Variants in LRP6 observed in about 807,000 individuals in gnomAD.
LRP6 encodes the protein low-density lipoprotein receptor-related protein 6.
LRP6 carries 43 observed loss-of-function variants against 184.1 expected under a neutral mutation model. The observed-to-expected ratio is 0.23, with a 90% CI of 0.18 to 0.30. The LOEUF is 0.30. Ranked by LOEUF, LRP6 falls within the 10% of genes least tolerant of loss-of-function variation. LRP6 has a pLI of 1.00. For missense variants in LRP6, 1,571 were observed against 2,005.3 expected, an observed-to-expected ratio of 0.78 and a Z score of 4.14; for synonymous variants, 719 against 684.9, an observed-to-expected ratio of 1.05 and a Z score of -0.78.
At chr12:12,192,938 C>G (rs1422298473) in intron 3 of LRP6, among the ~76,000 whole-genome samples, 1 of 152,006 alleles carries the variant, frequency 6.6e-6, no homozygotes, top group African/African-American at 2.4e-5. Context: ...AATCTTTTCA[C>G]GTACACGTGG....
intron 1 of LRP6, among the ~76,000 whole-genome samples, chr12:12,260,655 CTG>C (rs957678375): frequency 2.4e-4 from 36 of 152,298 alleles, no homozygotes; most frequent in Middle Eastern, 3.4e-3. Context: ...CTACTATTGA[CTG>C]TGCGTTCTAC....
intron 11 of LRP6, 151 bp from the exon 12 acceptor site, chr12:12,159,306 CA>C (rs1862682660): frequency 1.5e-6 from 1 of 669,938 alleles, no homozygotes. Context: ...CATTTAAAAG[CA>C]ATTCTAAAAC....
At chr12:12,235,495 C>T (rs1292398847) in intron 2 of LRP6, among the ~76,000 whole-genome samples, 1 of 151,994 alleles carries the variant, frequency 6.6e-6, no homozygotes, top group African/African-American at 2.4e-5. Context: ...CTTTGGGAGG[C>T]CAAAGCAGGC....
intron 2 of LRP6, among the ~76,000 whole-genome samples, chr12:12,214,811 G>GA (rs1864296980): frequency 6.6e-6 from 1 of 152,174 alleles, no homozygotes; most frequent in Non-Finnish European, 1.5e-5. Context: ...CTTAAAGCTT[G>GA]AATCTTACAT....
chr12:12,141,926 G>C (rs1360795152), intron 15 of LRP6, among the ~76,000 whole-genome samples: 1 of 152,154 alleles, frequency 6.6e-6, no homozygotes, highest in Non-Finnish European at 1.5e-5. Context: ...TCGAATTCTG[G>C]AAAGTTCATA....
In LRP6 at chr12:12,203,367, T is replaced by G. The variant is rs1224547331; in HGVS notation, c.483A>C (p.Pro161=). ...FMYWTDWGEV[P]KIERAGMDGS... Reference sequence around the variant, plus strand: ...CATCCATTCCAGCACGTTCTATCTTTGGCACTTCTCCCCAGTCTGTCCAGT... The same window carrying G: ...CATCCATTCCAGCACGTTCTATCTTGGGCACTTCTCCCCAGTCTGTCCAGT... Residue 161 remains proline, a synonymous_variant, in exon 3 of 23, where the codon CCA becomes CCC. Transcript: ENST00000261349. The G allele has an allele frequency of 1.2e-6, 2 of 1,613,966 alleles. No individual in the cohort carries two copies. The highest frequency in any genetic ancestry group is 2.7e-5 in the African/African-American group (2 of 74,928).
At chr12:12,249,264 A>C in intron 1 of LRP6, 2 of 960,044 alleles carry the variant, frequency 2.1e-6, no homozygotes, top group Admixed American at 3.6e-5. Context: ...ATATGAATGG[A>C]GTTAATAGTT....
chr12:12,251,082 C>T (rs1439247449), intron 1 of LRP6, among the ~76,000 whole-genome samples: 1 of 151,968 alleles, frequency 6.6e-6, no homozygotes, highest in Non-Finnish European at 1.5e-5. Context: ...AGGCGCTCGC[C>T]ACCACACCCA....
intron 16 of LRP6, among the ~76,000 whole-genome samples, 176 bp downstream of exon 16, chr12:12,138,149 C>A (rs1184596569): frequency 1.3e-5 from 2 of 149,736 alleles, no homozygotes; most frequent in African/African-American, 4.9e-5. Flanking sequence ...CCAGCCTGGG[C>A]GACAGAGTGA....
intron 2 of LRP6, among the ~76,000 whole-genome samples, chr12:12,211,533 C>T (rs1864211078): frequency 6.6e-6 from 1 of 152,182 alleles, no homozygotes; most frequent in Non-Finnish European, 1.5e-5. Context: ...GCATCCTAAC[C>T]TCACTGTTTT....
intron 7 of LRP6, among the ~76,000 whole-genome samples, chr12:12,174,807 A>G (rs1198365146): frequency 6.6e-6 from 1 of 152,346 alleles, no homozygotes; most frequent in East Asian, 1.9e-4. Flanking sequence ...CATCATACAA[A>G]ATAATACCTT....
chr12:12,145,710 C>A (rs1355748035), intron 15 of LRP6, among the ~76,000 whole-genome samples: 1 of 148,034 alleles, frequency 6.8e-6, no homozygotes, highest in Non-Finnish European at 1.5e-5. Flanking sequence ...TGACTCACTG[C>A]AACCACCGCC....
chr12:12,238,733 G>A (rs1297996735), intron 2 of LRP6, among the ~76,000 whole-genome samples: 1 of 151,996 alleles, frequency 6.6e-6, no homozygotes, highest in East Asian at 1.9e-4. Context: ...ATTAACAGAC[G>A]CTTATTGAAA....
chr12:12,121,365 C>A lies in LRP6; in HGVS notation c.4603G>T (p.Asp1535Tyr). The change falls in exon 23 of 23, where the codon GAT (aspartate) becomes TAT (tyrosine). Residue 1535 changes from aspartate to tyrosine, a missense_variant. Asp to Tyr is a radical substitution (Grantham distance 160). Around this residue, in one of 4 missense-constraint regions of LRP6, gnomAD observed 763 missense variants for 859.5 expected, o/e 0.89. Coordinates refer to ENST00000261349, the MANE Select transcript of LRP6 (RefSeq NM_002336.3). ...GGAGCATAGTCACTGTCACAAACAT[C>A]TGTGCTGCAGGGTGTGGTGGGGGGT... ...FAPPTTPCST[D>Y]VCDSDYAPSR... is the part of the protein sequence containing the mutation. 1 of 1,614,102 alleles carries A rather than the reference C, an allele frequency of 6.2e-7. No homozygotes were observed. Among genetic ancestry groups the A allele is most frequent in the Non-Finnish European group, 8.5e-7 (1 of 1,180,032 alleles).
intron 3 of LRP6, among the ~76,000 whole-genome samples, chr12:12,198,416 C>T (rs1189400347): frequency 6.6e-6 from 1 of 151,834 alleles, no homozygotes; most frequent in African/African-American, 2.4e-5. Flanking sequence ...CCTTTTCAAC[C>T]TCTATTTAAA....
intron 2 of LRP6, among the ~76,000 whole-genome samples, chr12:12,220,268 A>G (rs1270399164): frequency 6.6e-6 from 1 of 151,856 alleles, no homozygotes; most frequent in Non-Finnish European, 1.5e-5. Flanking sequence ...AGCCTGGGCA[A>G]CAGAGCGAGA....
In LRP6 at chr12:12,183,995, T is replaced by C. The variant is rs1288875839; in HGVS notation, c.961A>G (p.Lys321Glu). The C allele has an allele frequency of 6.2e-7, 1 of 1,613,432 alleles. No homozygotes were observed. Among genetic ancestry groups the C allele is most frequent in the Admixed American group, 1.7e-5 (1 of 60,006 alleles). The change falls in exon 5 of 23, where the codon AAA becomes GAA. Residue 321 changes from lysine to glutamate, a missense_variant. By Grantham distance (56) the Lys-to-Glu change is moderately conservative. Coordinates refer to ENST00000261349, the MANE Select transcript of LRP6 (RefSeq NM_002336.3). Reference sequence around the variant, plus strand: ...ATCTTCTTACCATCTTTGCAGGTTTTTCCATTCTCCAGGAGTTTGACCCCA... The same window carrying C: ...ATCTTCTTACCATCTTTGCAGGTTTCTCCATTCTCCAGGAGTTTGACCCCA... ...PTGVKLLENG[K>E]TCKDGATELL...
chr12:12,246,566 G>A (rs1865189994), intron 1 of LRP6, among the ~76,000 whole-genome samples: 1 of 151,768 alleles, frequency 6.6e-6, no homozygotes, highest in African/African-American at 2.4e-5. Context: ...GCATAGTGGT[G>A]CACGCCTGTA....
chr12:12,160,011 T>C (rs1439771852), intron 10 of LRP6, 47 bp from the exon 11 acceptor site: 1 of 1,382,212 alleles, frequency 7.2e-7, no homozygotes. Flanking sequence ...TTTTATTATC[T>C]GGGGGAAAGA....
Sources: gnomAD v4.1 joint callset for allele counts (sites outside exome capture counted in the v4.1 genomes callset) on GRCh38, gnomAD v4.1.1 for gene constraint, gnomAD v4.1.1 regional missense constraint, MANE v1.5 for transcripts, NCBI Gene and HGNC (gene_info 2026-07-23, HGNC 2026-07-21) for gene names.